EPHA5: variants seen among roughly 807,000 people sequenced by gnomAD.
EPHA5 encodes ephrin type-A receptor 5.
EPHA5 carries 60 observed loss-of-function variants against 105.0 expected under a neutral mutation model. The ratio of observed to expected loss-of-function variants is 0.57; its 90% CI spans 0.46 to 0.71. The LOEUF is 0.71. Ranked by LOEUF, EPHA5 falls within the 30% of genes least tolerant of loss-of-function variation. The probability of loss-of-function intolerance (pLI) is 0.00; values close to 1 mark genes in which losing one functional copy is unlikely to be tolerated. For missense variants in EPHA5, 1,218 were observed against 1,274.7 expected, an observed-to-expected ratio of 0.96 and a Z score of 0.68; for synonymous variants, 513 against 449.1, an observed-to-expected ratio of 1.14 and a Z score of -1.80.
At chr4:65,606,801 T>C (rs1426771492) in intron 2 of EPHA5, among the ~76,000 whole-genome samples, 1 of 152,190 alleles carries the variant, frequency 6.6e-6, no homozygotes, top group African/African-American at 2.4e-5. Flanking sequence ...ATATTTCATA[T>C]TTCAGTCAAA....
chr4:65,411,536 T>A (rs1192265167), intron 7 of EPHA5, among the ~76,000 whole-genome samples: 2 of 152,128 alleles, frequency 1.3e-5, no homozygotes, highest in Non-Finnish European at 2.9e-5. Flanking sequence ...ACCTGACTGA[T>A]AAAATCAATT....
intron 16 of EPHA5, among the ~76,000 whole-genome samples, chr4:65,330,341 T>C (rs944165915): frequency 4.1e-5 from 6 of 148,030 alleles, no homozygotes; most frequent in African/African-American, 1.5e-4. Context: ...AGGAAAGAAA[T>C]AGAAAAAAAA....
chr4:65,332,530 T>C (rs939224645), intron 15 of EPHA5, among the ~76,000 whole-genome samples: 3 of 144,658 alleles, frequency 2.1e-5, no homozygotes, highest in African/African-American at 7.7e-5. Context: ...AACTCTAATG[T>C]AAACTATGGG....
intron 3 of EPHA5, chr4:65,573,539 G>A: frequency 6.3e-7 from 1 of 1,598,128 alleles, no homozygotes. Flanking sequence ...GTGGCAAGGT[G>A]AAAAAGGGTA....
chr4:65,562,598 T>C (rs903114181), intron 3 of EPHA5, among the ~76,000 whole-genome samples: 5 of 152,050 alleles, frequency 3.3e-5, no homozygotes, highest in Non-Finnish European at 7.4e-5. Flanking sequence ...GGAAGACATA[T>C]GGTTCATTAT....
At chr4:65,584,792 T>C (rs1741954775) in intron 3 of EPHA5, among the ~76,000 whole-genome samples, 3 of 152,006 alleles carry the variant, frequency 2.0e-5, no homozygotes, top group Non-Finnish European at 4.4e-5. Flanking sequence ...CTTGAGATTT[T>C]TAATCAAAAT....
rs949221839 is a variant in EPHA5 at position 65,358,199 on chromosome 4, A to G, written c.2174-5096T>C. On this transcript the variant is annotated intron_variant, in intron 11 of 16. Transcript: ENST00000613740. The stretch of plus-strand genomic sequence containing the variant: ...CATCACAAGAGTTGCTGCTAAATAT[A>G]GGCTTATTATTTTTATTTGCATTCA... 4.6e-5 allele frequency among the ~76,000 whole-genome samples: 7 copies of G among 151,532 alleles called. 1 individual carries two copies. The Admixed American group carries it at 4.6e-4, about 10-fold the overall frequency.
At chr4:65,650,161 G>A (rs1026692023) in intron 1 of EPHA5, among the ~76,000 whole-genome samples, 1 of 151,998 alleles carries the variant, frequency 6.6e-6, no homozygotes, top group Non-Finnish European at 1.5e-5. Context: ...AATTCAGCCT[G>A]CCCCCAAATG....
intron 2 of EPHA5, among the ~76,000 whole-genome samples, chr4:65,619,280 A>C (rs1387632690): frequency 6.6e-6 from 1 of 152,260 alleles, no homozygotes; most frequent in Non-Finnish European, 1.5e-5. Flanking sequence ...ACATAATTGA[A>C]AAACTATCTC....
intron 5 of EPHA5, among the ~76,000 whole-genome samples, chr4:65,455,288 A>T (rs1039778068): frequency 6.6e-6 from 1 of 152,234 alleles, no homozygotes. Flanking sequence ...AAACTAAAAA[A>T]TGAAAATTAT....
At chr4:65,529,465 C>G (rs1735556717) in intron 3 of EPHA5, among the ~76,000 whole-genome samples, 1 of 151,514 alleles carries the variant, frequency 6.6e-6, no homozygotes, top group South Asian at 2.1e-4. Context: ...TGCACACACA[C>G]AAATACAACA....
intron 5 of EPHA5, among the ~76,000 whole-genome samples, chr4:65,449,934 T>C (rs2149104937): frequency 6.6e-6 from 1 of 152,260 alleles, no homozygotes; most frequent in Non-Finnish European, 1.5e-5. Flanking sequence ...ATCTTGATTT[T>C]GGATTTCCAG....
intron 8 of EPHA5, among the ~76,000 whole-genome samples, chr4:65,386,715 C>A (rs921777889): frequency 3.3e-5 from 5 of 151,614 alleles, no homozygotes; most frequent in African/African-American, 1.2e-4. Flanking sequence ...GTAAAAAAAA[C>A]AGAAAACAAA....
rs1413084609 is a variant in EPHA5 at position 65,320,224 on chromosome 4, A to G, written c.*3890T>C. 4.3e-6 allele frequency: 1 copy of G among 229,966 alleles called. No individual in the cohort carries two copies. The highest frequency in any genetic ancestry group is 2.2e-5 in the African/African-American group (1 of 45,146). 14.2% of individuals were successfully genotyped at this position (229,966 alleles called of 1,614,324 possible). On this transcript the variant is annotated 3_prime_UTR_variant, in exon 17 of 17. Coordinates refer to ENST00000613740, the MANE Select transcript of EPHA5 (RefSeq NM_001281766.3). ...ATATAATTAACAGCACAATAGAGAA[A>G]ATTATTCAATGTAAACAGCTGTGCT...
At chr4:65,443,946 CG>C (rs1726266730) in intron 5 of EPHA5, among the ~76,000 whole-genome samples, 1 of 151,346 alleles carries the variant, frequency 6.6e-6, no homozygotes, top group Non-Finnish European at 1.5e-5. Flanking sequence ...CGTGTGCACG[CG>C]CACATGCGCA....
chr4:65,572,855 AC>A (rs1246993336), intron 3 of EPHA5, among the ~76,000 whole-genome samples: 1 of 151,038 alleles, frequency 6.6e-6, no homozygotes, highest in African/African-American at 2.4e-5. Flanking sequence ...ACATAGCGAA[AC>A]CCCGTCTCTA....
At chr4:65,474,617 A>C (rs1729617206) in intron 5 of EPHA5, among the ~76,000 whole-genome samples, 1 of 152,174 alleles carries the variant, frequency 6.6e-6, no homozygotes, top group African/African-American at 2.4e-5. Context: ...AATCAAAAAC[A>C]TTTCACATCT....
intron 5 of EPHA5, among the ~76,000 whole-genome samples, chr4:65,449,425 A>G (rs1286189977): frequency 6.6e-6 from 1 of 152,206 alleles, no homozygotes; most frequent in Non-Finnish European, 1.5e-5. Flanking sequence ...CTGCCACAGA[A>G]TAAATTTAAT....
At chr4:65,664,202 T>A (rs186381485) in intron 1 of EPHA5, among the ~76,000 whole-genome samples, 1 of 152,034 alleles carries the variant, frequency 6.6e-6, no homozygotes, top group East Asian at 1.9e-4. Flanking sequence ...AAATAGATCA[T>A]TCATATTTTG....
Sources: allele counts gnomAD v4.1 joint callset (sites outside exome capture counted in the v4.1 genomes callset), GRCh38; gene constraint gnomAD v4.1.1; transcripts MANE v1.5; gene names NCBI Gene and HGNC (gene_info 2026-07-23, HGNC 2026-07-21).